DIAPH3: variants seen among roughly 807,000 people sequenced by gnomAD.
The protein encoded by DIAPH3 is protein diaphanous homolog 3.
Under a neutral mutation model 144.3 loss-of-function variants are expected in DIAPH3, and 117 were observed. The ratio of observed to expected loss-of-function variants is 0.81; its 90% CI spans 0.70 to 0.95. The LOEUF (loss-of-function observed/expected upper bound fraction) is 0.95, where lower values mean the gene tolerates loss of function less well. Ranked by LOEUF, DIAPH3 falls within the 40% of genes least tolerant of loss-of-function variation. The pLI is 0.00. For synonymous variants in DIAPH3, 519 were observed against 488.9 expected (o/e 1.06, Z -0.81); for missense variants, 1,421 against 1,412.7 (o/e 1.01, Z -0.09).
intron 21 of DIAPH3, among the ~76,000 whole-genome samples, chr13:59,876,629 C>T (rs1193149215): frequency 6.6e-6 from 1 of 152,148 alleles, no homozygotes; most frequent in African/African-American, 2.4e-5. Context: ...TTACTATATA[C>T]CAACCACTGC....
chr13:59,820,866 T>A (rs950685199), intron 24 of DIAPH3, among the ~76,000 whole-genome samples: 2 of 151,140 alleles, frequency 1.3e-5, no homozygotes, highest in African/African-American at 4.9e-5. Flanking sequence ...CCATAGATTC[T>A]GACTTTTTGA....
chr13:59,897,540 G>C, intron 20 of DIAPH3, among the ~76,000 whole-genome samples: 1 of 151,440 alleles, frequency 6.6e-6, no homozygotes, highest in East Asian at 2.0e-4. Context: ...ACAAGGTCAG[G>C]AGTTCGAGAC....
At chr13:59,839,540 C>A in intron 22 of DIAPH3, 92 bp from the exon 23 acceptor site, 1 of 1,198,680 alleles carries the variant, frequency 8.3e-7, no homozygotes, top group Non-Finnish European at 1.2e-6. Flanking sequence ...ATGAAAACAA[C>A]TCACAATAAT....
At chr13:59,775,594 A>G (rs2038370635) in intron 25 of DIAPH3, among the ~76,000 whole-genome samples, 1 of 152,198 alleles carries the variant, frequency 6.6e-6, no homozygotes, top group African/African-American at 2.4e-5. Context: ...CTTAGCAGAC[A>G]AATTATATTT....
intron 2 of DIAPH3, among the ~76,000 whole-genome samples, chr13:60,129,350 C>T (rs1370158695): frequency 6.6e-6 from 1 of 152,182 alleles, no homozygotes; most frequent in Non-Finnish European, 1.5e-5. Flanking sequence ...ACCTAAGCTG[C>T]ACTTTATACA....
chr13:59,697,491 A>G (rs700400), intron 27 of DIAPH3, among the ~76,000 whole-genome samples: 19,912 of 74,906 alleles, frequency 0.27, 954 homozygotes, highest in Non-Finnish European at 0.28. Flanking sequence ...AAAAAAAAAA[A>G]AAGAAGAGGG....
intron 17 of DIAPH3, among the ~76,000 whole-genome samples, chr13:59,955,045 G>T (rs2049312550): frequency 6.7e-6 from 1 of 149,308 alleles, no homozygotes; most frequent in Non-Finnish European, 1.5e-5. Flanking sequence ...AGATTTTCTG[G>T]TTTATGGAAT....
intron 24 of DIAPH3, 28 bp downstream of exon 24, chr13:59,833,079 T>A: frequency 6.3e-7 from 1 of 1,585,620 alleles, no homozygotes; most frequent in Non-Finnish European, 8.6e-7. Flanking sequence ...ATAAAAAAAC[T>A]TTTTAAAAAA....
At chr13:59,669,765 T>A (rs2138581049) in intron 27 of DIAPH3, among the ~76,000 whole-genome samples, 1 of 152,318 alleles carries the variant, frequency 6.6e-6, no homozygotes, top group East Asian at 1.9e-4. Context: ...GCTCCAGCTA[T>A]CTAAATTCTT....
intron 17 of DIAPH3, among the ~76,000 whole-genome samples, chr13:59,965,458 C>T (rs943916756): frequency 1.3e-5 from 2 of 150,796 alleles, no homozygotes; most frequent in Admixed American, 1.3e-4. Flanking sequence ...TTGACAAATC[C>T]AACACCAATA....
chr13:59,833,247 G>T lies in DIAPH3; in HGVS notation c.2887C>A (p.Gln963Lys), dbSNP rs1265496665. 2 of 1,608,476 alleles carry T rather than the reference G, an allele frequency of 1.2e-6. No homozygotes were observed. Among genetic ancestry groups the T allele is most frequent in the Non-Finnish European group, 1.7e-6 (2 of 1,176,732 alleles). Residue 963 changes from glutamine (Q) to lysine (K), a missense_variant, in exon 24 of 28, where the codon CAA becomes AAA. Transcript: ENST00000400324. ...TGTAACTTCGAAAGTGTCTCATATTGTTCTTTTGCACTGATAACAAATCTG... is the reference window on the plus strand; with the variant it reads ...TGTAACTTCGAAAGTGTCTCATATTTTTCTTTTGCACTGATAACAAATCTG... The part of the protein sequence containing the change: ...MSRFVISAKE[Q>K]YETLSKLHEN...
At chr13:59,992,379 G>A (rs1405001312) in intron 10 of DIAPH3, 94 bp downstream of exon 10, 1 of 1,185,540 alleles carries the variant, frequency 8.4e-7, no homozygotes, top group Non-Finnish European at 1.2e-6. Flanking sequence ...TTTTCCCACA[G>A]ATAAATTATT....
At chr13:60,043,796 G>C (rs920757914) in intron 4 of DIAPH3, among the ~76,000 whole-genome samples, 3 of 152,074 alleles carry the variant, frequency 2.0e-5, no homozygotes. Flanking sequence ...GGGAGAAACA[G>C]GCAATACATA....
chr13:59,716,896 G>A (rs539306292), intron 27 of DIAPH3, among the ~76,000 whole-genome samples: 75 of 151,878 alleles, frequency 4.9e-4, no homozygotes, highest in East Asian at 2.1e-3. Flanking sequence ...ACATTATTAC[G>A]TCAGCACTCT....
At chr13:60,038,995 TGAA>T (rs2055435652) in intron 5 of DIAPH3, among the ~76,000 whole-genome samples, 2 of 152,054 alleles carry the variant, frequency 1.3e-5, no homozygotes, top group African/African-American at 4.8e-5. Flanking sequence ...TTTGATAATT[TGAA>T]GAAATTGGTC....
chr13:59,876,807 C>T (rs1313636838), intron 21 of DIAPH3, among the ~76,000 whole-genome samples: 1 of 152,142 alleles, frequency 6.6e-6, no homozygotes, highest in African/African-American at 2.4e-5. Context: ...CACGAGGAAA[C>T]AGACTGTAGT....
At chr13:59,936,686 C>T (rs2048279259) in intron 17 of DIAPH3, among the ~76,000 whole-genome samples, 1 of 152,126 alleles carries the variant, frequency 6.6e-6, no homozygotes, top group African/African-American at 2.4e-5. Flanking sequence ...TGAAGGAAAA[C>T]TGAATCCTGT....
chr13:59,895,430 G>GAA (rs529308484), intron 20 of DIAPH3, among the ~76,000 whole-genome samples: 24 of 75,866 alleles, frequency 3.2e-4, no homozygotes, highest in East Asian at 6.5e-4. Context: ...AATGTTAAAG[G>GAA]AAAAAAAAAA....
intron 1 of DIAPH3, among the ~76,000 whole-genome samples, chr13:60,158,133 A>C (rs1172198467): frequency 6.6e-6 from 1 of 152,192 alleles, no homozygotes; most frequent in Non-Finnish European, 1.5e-5. Context: ...CCTTCTTCCA[A>C]GTATTGTCTC....
Sources: allele counts gnomAD v4.1 joint callset (sites outside exome capture counted in the v4.1 genomes callset), GRCh38; gene constraint gnomAD v4.1.1; transcripts MANE v1.5; gene names NCBI Gene and HGNC (gene_info 2026-07-23, HGNC 2026-07-21).